The following COL24A1 variants were observed in gnomAD, a reference collection of about 807,000 sequenced individuals.
COL24A1 encodes the protein collagen type XXIV alpha 1 chain, also known as collagen alpha-1(XXIV) chain.
A neutral mutation model predicts 253.9 loss-of-function variants in COL24A1; 224 were observed. That is an observed-to-expected ratio of 0.88 (90% confidence interval 0.79 to 0.99). The LOEUF is 0.99. Ranked by LOEUF, COL24A1 falls within the 50% of genes least tolerant of loss-of-function variation. The probability of loss-of-function intolerance (pLI) is 0.00; values close to 1 mark genes in which losing one functional copy is unlikely to be tolerated. For missense variants in COL24A1, 2,131 were observed against 2,068.5 expected (o/e 1.03, Z -0.59); for synonymous variants, 685 against 673.7 (o/e 1.02, Z -0.26).
chr1:86,112,617 T>C lies in COL24A1; in HGVS notation c.1549A>G (p.Ile517Val), dbSNP rs1363075072. The change falls in exon 5 of 60, where the codon ATA becomes GTA. Residue 517 changes from isoleucine to valine, a missense_variant. Physicochemically the swap from Ile to Val is conservative, Grantham distance 29 (BLOSUM62 3). Transcript: ENST00000370571. The part of the protein sequence containing the change: ...GPSGKRGPRG[I>V]PGPHGNPGLP... Reference sequence around the variant, plus strand: ...CCAGGATTTCCATGTGGCCCTGGTATGCCCTGCAAGTAACGAAAAAAGTCA... The same window carrying C: ...CCAGGATTTCCATGTGGCCCTGGTACGCCCTGCAAGTAACGAAAAAAGTCA... The C allele has an allele frequency of 6.2e-7, 1 of 1,612,922 alleles. No individual in the cohort carries two copies. Among genetic ancestry groups the C allele is most frequent in the African/African-American group, 1.3e-5 (1 of 74,914 alleles).
intron 2 of COL24A1, among the ~76,000 whole-genome samples, chr1:86,134,626 C>T (rs545934502): frequency 2.0e-5 from 3 of 149,698 alleles, no homozygotes; most frequent in Non-Finnish European, 4.4e-5. Flanking sequence ...CATTCAGGAG[C>T]AGGTTGTTCA....
At chr1:85,788,291 C>T (rs963733267) in intron 47 of COL24A1, among the ~76,000 whole-genome samples, 5 of 152,124 alleles carry the variant, frequency 3.3e-5, no homozygotes, top group Non-Finnish European at 7.3e-5. Context: ...TGTAGTTTCA[C>T]CGTGTTAGCC....
At chr1:85,894,952 C>T (rs574133012) in intron 31 of COL24A1, among the ~76,000 whole-genome samples, 47 of 152,080 alleles carry the variant, frequency 3.1e-4, no homozygotes, top group South Asian at 1.5e-3. Flanking sequence ...TTTATTCTAT[C>T]CTTTTCTGTC....
At chr1:85,872,384 C>T (rs1435675319) in intron 35 of COL24A1, among the ~76,000 whole-genome samples, 1 of 152,114 alleles carries the variant, frequency 6.6e-6, no homozygotes, top group African/African-American at 2.4e-5. Flanking sequence ...CCTGCATTAC[C>T]AAGACAATCC....
At chr1:86,071,854 G>A (rs111943767) in intron 7 of COL24A1, among the ~76,000 whole-genome samples, 10,405 of 152,182 alleles carry the variant, frequency 0.068, 448 homozygotes, top group Middle Eastern at 0.12. Context: ...TGCAGCCCAT[G>A]GAGGGCAAGC....
At chr1:85,855,176 G>A (rs1423002675) in intron 37 of COL24A1, among the ~76,000 whole-genome samples, 1 of 152,046 alleles carries the variant, frequency 6.6e-6, no homozygotes, top group Non-Finnish European at 1.5e-5. Flanking sequence ...CATATAATCT[G>A]CAAAAAGAGT....
chr1:85,838,295 C>T (rs979783984), intron 43 of COL24A1, among the ~76,000 whole-genome samples: 6 of 151,934 alleles, frequency 3.9e-5, no homozygotes, highest in African/African-American at 7.3e-5. Flanking sequence ...TGAAGGAAAT[C>T]GAGTAATATG....
intron 12 of COL24A1, among the ~76,000 whole-genome samples, chr1:86,046,496 T>C (rs1431844542): frequency 1.3e-5 from 2 of 152,202 alleles, no homozygotes; most frequent in South Asian, 4.1e-4. Context: ...CATCTGGTCA[T>C]GTAGAGTAGG....
intron 58 of COL24A1, chr1:85,736,140 A>G (rs79730457): frequency 0.013 from 4,268 of 336,938 alleles, 50 homozygotes; most frequent in Middle Eastern, 0.027. Context: ...GACAAATGTA[A>G]TTTACCTAGC....
chr1:85,865,627 T>C (rs934376794), intron 37 of COL24A1, among the ~76,000 whole-genome samples: 1 of 152,230 alleles, frequency 6.6e-6, no homozygotes, highest in Non-Finnish European at 1.5e-5. Flanking sequence ...CTACGGTATA[T>C]GTTTAGACTT....
chr1:85,784,400 T>G (rs1669457786), intron 48 of COL24A1, 34 bp from the exon 49 acceptor site: 1 of 1,476,358 alleles, frequency 6.8e-7, no homozygotes, highest in Non-Finnish European at 9.5e-7. Context: ...GATCTTTACA[T>G]CAGAACATAT....
chr1:86,150,881 C>G (rs1490664517), intron 1 of COL24A1, among the ~76,000 whole-genome samples: 1 of 152,150 alleles, frequency 6.6e-6, no homozygotes, highest in African/African-American at 2.4e-5. Flanking sequence ...TGGGTCTTAG[C>G]TGACTCATCT....
chr1:85,888,416 T>C (rs1682759948), intron 32 of COL24A1, among the ~76,000 whole-genome samples: 1 of 152,120 alleles, frequency 6.6e-6, no homozygotes, highest in South Asian at 2.1e-4. Context: ...ACCTGCCTCA[T>C]TTCTATCCCT....
At chr1:85,881,961 C>A (rs1681898370) in intron 32 of COL24A1, among the ~76,000 whole-genome samples, 1 of 152,016 alleles carries the variant, frequency 6.6e-6, no homozygotes, top group African/African-American at 2.4e-5. Context: ...CTTCTTTCCT[C>A]TTATTCAGTG....
intron 28 of COL24A1, among the ~76,000 whole-genome samples, chr1:85,898,097 T>C (rs540895112): frequency 1.4e-4 from 22 of 152,270 alleles, no homozygotes; most frequent in South Asian, 1.0e-3. Flanking sequence ...AATATTAAGA[T>C]GTAAGTGTGG....
intron 19 of COL24A1, among the ~76,000 whole-genome samples, chr1:86,012,461 C>A (rs1008906261): frequency 7.2e-5 from 11 of 152,008 alleles, no homozygotes; most frequent in African/African-American, 2.7e-4. Flanking sequence ...TGGTGGCATG[C>A]GCCTGTAATC....
At position 85,786,448 on chromosome 1, in the gene COL24A1, C is replaced by G; in HGVS notation, c.3965G>C (p.Gly1322Ala). 1 of 1,613,448 alleles carries G rather than the reference C, an allele frequency of 6.2e-7. No individual in the cohort carries two copies. The highest frequency in any genetic ancestry group is 8.5e-7 in the Non-Finnish European group (1 of 1,179,678). The change falls in exon 48 of 60, where the codon GGC (glycine) becomes GCC (alanine). Residue 1322 changes from glycine to alanine, a missense_variant. Transcript: ENST00000370571. Reference sequence around the variant, plus strand: ...CCCAGCAAGACCTGTTCTTCCTGGGCCGCCTCTGATGCCCTAAATAACACA... The same window carrying G: ...CCCAGCAAGACCTGTTCTTCCTGGGGCGCCTCTGATGCCCTAAATAACACA... ...GKQGLPGIRGGPGRTGLAGAP... is the reference protein window; with the variant it reads ...GKQGLPGIRGAPGRTGLAGAP...
intron 55 of COL24A1, among the ~76,000 whole-genome samples, chr1:85,756,890 C>A (rs899007262): frequency 6.6e-6 from 1 of 152,044 alleles, no homozygotes; most frequent in African/African-American, 2.4e-5. Flanking sequence ...AAATAAAATT[C>A]GAATATACGC....
intron 7 of COL24A1, among the ~76,000 whole-genome samples, chr1:86,066,231 CTTTTTTTTTTTTTTTT>C (rs71078637): frequency 7.0e-5 from 6 of 85,518 alleles, no homozygotes; most frequent in African/African-American, 2.9e-4. Context: ...CCTAAGTCTC[CTTTTTTTTTTTTTTTT>C]TTTTTTTTTG....
Sources: gnomAD v4.1 joint callset for allele counts (sites outside exome capture counted in the v4.1 genomes callset) on GRCh38, gnomAD v4.1.1 for gene constraint, MANE v1.5 for transcripts, NCBI Gene and HGNC (gene_info 2026-07-23, HGNC 2026-07-21) for gene names.